The following GRB10 variants were observed in gnomAD, a reference collection of about 807,000 sequenced individuals.
The protein encoded by GRB10 is growth factor receptor-bound protein 10.
A neutral mutation model predicts 80.9 loss-of-function variants in GRB10; 20 were observed. That is an observed-to-expected ratio of 0.25 (90% CI 0.17 to 0.36). The LOEUF is 0.36. GRB10 is among the 10% of genes least tolerant of loss of function. The pLI is 1.00. For synonymous variants in GRB10, 291 were observed against 291.5 expected, an observed-to-expected ratio of 1.00 and a Z score of 0.02; for missense variants, 548 against 747.7, an observed-to-expected ratio of 0.73 and a Z score of 3.12.
chr7:50,773,537 C>G (rs1237640723), intron 2 of GRB10, among the ~76,000 whole-genome samples: 3 of 149,106 alleles, frequency 2.0e-5, no homozygotes, highest in Non-Finnish European at 4.4e-5. Context: ...GGACAGGAAA[C>G]GAAAAATGCC....
rs770789288 is a variant in GRB10 at position 50,743,421 on chromosome 7, G to A, written c.-46-11053C>T. On this transcript the variant is annotated intron_variant, in intron 3 of 18. Transcript: ENST00000401949. ...GAATCTGTTTCAATGGCTTTGAAAC[G>A]TAAGCGTGGGTCAGATCACGCAGTG... Among the ~76,000 whole-genome samples, 136 of 152,202 alleles carry A rather than the reference G, an allele frequency of 8.9e-4. 1 individual carries two copies. The highest frequency in any genetic ancestry group is 3.3e-3 in the Admixed American group (51 of 15,278).
chr7:50,786,228 A>T (rs79038756), upstream of GRB10, among the ~76,000 whole-genome samples: 3,326 of 152,274 alleles, frequency 0.022, 124 homozygotes, highest in African/African-American at 0.075. Flanking sequence ...ACTATTAGAT[A>T]AAAAATACAG....
chr7:50,750,845 C>T (rs2074001020), intron 3 of GRB10, among the ~76,000 whole-genome samples: 1 of 152,168 alleles, frequency 6.6e-6, no homozygotes, highest in African/African-American at 2.4e-5. Context: ...CTCCTGGGTC[C>T]CCAGATAACT....
intron 5 of GRB10, among the ~76,000 whole-genome samples, chr7:50,689,725 A>G (rs1482889403): frequency 6.6e-6 from 1 of 152,140 alleles, no homozygotes; most frequent in African/African-American, 2.4e-5. Context: ...GGGGAATATA[A>G]TATTAGCCAT....
intron 5 of GRB10, among the ~76,000 whole-genome samples, chr7:50,692,801 C>T (rs2062979562): frequency 6.6e-6 from 1 of 152,040 alleles, no homozygotes; most frequent in African/African-American, 2.4e-5. Context: ...TAAAATAATG[C>T]TCGCAACAGG....
At chr7:50,725,601 A>C (rs545275126) in intron 4 of GRB10, among the ~76,000 whole-genome samples, 1 of 152,352 alleles carries the variant, frequency 6.6e-6, no homozygotes, top group Non-Finnish European at 1.5e-5. Context: ...GTGATTTCAC[A>C]GTAGCTTCTG....
intron 7 of GRB10, among the ~76,000 whole-genome samples, chr7:50,641,171 T>TG (rs1456978458): frequency 6.9e-6 from 1 of 145,328 alleles, no homozygotes; most frequent in East Asian, 2.1e-4. Flanking sequence ...TGCTTGCTCT[T>TG]GCTCACTCTG....
At chr7:50,778,339 A>T (rs2077917132) in intron 2 of GRB10, among the ~76,000 whole-genome samples, 1 of 152,240 alleles carries the variant, frequency 6.6e-6, no homozygotes. Context: ...GTTGCCCAAC[A>T]TCACCACCAG....
At chr7:50,777,547 C>T (rs2077809496) in intron 2 of GRB10, among the ~76,000 whole-genome samples, 1 of 151,054 alleles carries the variant, frequency 6.6e-6, no homozygotes, top group South Asian at 2.1e-4. Context: ...GTGAATTATA[C>T]CTCAATACAG....
At chr7:50,630,211 T>C (rs1365937937) in intron 7 of GRB10, among the ~76,000 whole-genome samples, 1 of 152,236 alleles carries the variant, frequency 6.6e-6, no homozygotes, top group East Asian at 1.9e-4. Context: ...ATGGAAGTTC[T>C]ACATTAGTTA....
chr7:50,749,091 T>C (rs2073607407), intron 3 of GRB10, among the ~76,000 whole-genome samples: 1 of 151,904 alleles, frequency 6.6e-6, no homozygotes, highest in Non-Finnish European at 1.5e-5. Context: ...GTCAATTCTA[T>C]ATAAAATGTT....
intron 5 of GRB10, among the ~76,000 whole-genome samples, chr7:50,683,028 T>C (rs889595672): frequency 3.3e-5 from 5 of 152,238 alleles, no homozygotes; most frequent in Non-Finnish European, 5.9e-5. Flanking sequence ...CGTACACCCT[T>C]GTTCACAACA....
upstream of GRB10, among the ~76,000 whole-genome samples, chr7:50,783,479 T>TACAC (rs1240045565): frequency 7.3e-6 from 1 of 136,920 alleles, no homozygotes; most frequent in African/African-American, 2.7e-5. Flanking sequence ...CTCACATACA[T>TACAC]ACACACCACA....
intron 7 of GRB10, chr7:50,645,650 G>A: frequency 1.0e-6 from 1 of 985,088 alleles, no homozygotes; most frequent in Non-Finnish European, 1.2e-6. Flanking sequence ...TCTCCAGGCA[G>A]ATCTGAAAGC....
upstream of GRB10, among the ~76,000 whole-genome samples, chr7:50,783,791 C>T (rs116499419): frequency 8.7e-3 from 1,318 of 152,252 alleles, 21 homozygotes; most frequent in African/African-American, 0.025. Flanking sequence ...CATTCACACA[C>T]GTTAAGGGGC....
intron 5 of GRB10, 138 bp from the exon 6 acceptor site, chr7:50,674,796 C>A: frequency 1.4e-6 from 1 of 729,996 alleles, no homozygotes; most frequent in Non-Finnish European, 2.4e-6. Context: ...GGGGAAACAC[C>A]AAGACAAGTA....
intron 13 of GRB10, among the ~76,000 whole-genome samples, chr7:50,610,487 C>T (rs1440984427): frequency 1.3e-5 from 2 of 152,202 alleles, no homozygotes; most frequent in Admixed American, 1.3e-4. Flanking sequence ...CAAAGTGCTT[C>T]CCTGCAAAGT....
intron 17 of GRB10, among the ~76,000 whole-genome samples, chr7:50,603,583 C>A (rs1300444123): frequency 6.6e-6 from 1 of 152,186 alleles, no homozygotes; most frequent in African/African-American, 2.4e-5. Context: ...AACAATGATA[C>A]GTAATTTATT....
At chr7:50,695,950 A>G (rs2063368068) in intron 5 of GRB10, among the ~76,000 whole-genome samples, 1 of 152,198 alleles carries the variant, frequency 6.6e-6, no homozygotes, top group African/African-American at 2.4e-5. Context: ...TTCTCTTTCT[A>G]CAAAATTGGG....
Sources: gnomAD v4.1 joint callset for allele counts (sites outside exome capture counted in the v4.1 genomes callset) on GRCh38, gnomAD v4.1.1 for gene constraint, MANE v1.5 for transcripts, NCBI Gene and HGNC (gene_info 2026-07-23, HGNC 2026-07-21) for gene names.